ADGRD1: variants seen among roughly 807,000 people sequenced by gnomAD.
ADGRD1 encodes the protein adhesion G protein-coupled receptor D1, also known as G-protein coupled receptor 133.
In ADGRD1, 77 loss-of-function variants were observed where a neutral mutation model predicts 113.4. That is an observed-to-expected ratio of 0.68 (90% CI 0.57 to 0.82). ADGRD1 has a LOEUF of 0.82. Ranked by LOEUF, ADGRD1 falls within the 40% of genes least tolerant of loss-of-function variation. The pLI, the probability that ADGRD1 is intolerant of heterozygous loss-of-function variation, is 0.00. For synonymous variants in ADGRD1, 474 were observed against 475.0 expected (o/e 1.00, Z 0.03); for missense variants, 1,036 against 1,139.1 (o/e 0.91, Z 1.30).
intron 15 of ADGRD1, among the ~76,000 whole-genome samples, chr12:131,095,056 G>A (rs947589214): frequency 2.0e-5 from 3 of 152,044 alleles, no homozygotes; most frequent in Non-Finnish European, 4.4e-5. Context: ...GCCTCTCTGA[G>A]TGGAGAGCTG....
At chr12:131,105,711 G>C (rs1280236414) in intron 16 of ADGRD1, 43 bp from the exon 17 acceptor site, 11 of 1,494,906 alleles carry the variant, frequency 7.4e-6, no homozygotes, top group Non-Finnish European at 9.2e-6. Flanking sequence ...GGGGGACTGG[G>C]TCGGCGCAGG....
intron 15 of ADGRD1, chr12:131,092,167 G>A (rs1886952574): frequency 6.6e-6 from 1 of 152,500 alleles, no homozygotes; most frequent in Non-Finnish European, 1.5e-5. Context: ...GAGGGAGTGA[G>A]GACCTGAGGT....
intron 4 of ADGRD1, among the ~76,000 whole-genome samples, chr12:130,972,371 C>A (rs1159935799): frequency 6.6e-6 from 1 of 152,190 alleles, no homozygotes; most frequent in Non-Finnish European, 1.5e-5. Flanking sequence ...TTTTGGACAT[C>A]AGATGGCCTT....
intron 13 of ADGRD1, among the ~76,000 whole-genome samples, chr12:131,064,926 C>G (rs976307999): frequency 6.6e-6 from 1 of 152,218 alleles, no homozygotes; most frequent in Admixed American, 6.5e-5. Flanking sequence ...TTAATTCCAT[C>G]AAACTGCCCA....
At chr12:131,038,896 T>C (rs537222895) in intron 13 of ADGRD1, among the ~76,000 whole-genome samples, 139 of 152,360 alleles carry the variant, frequency 9.1e-4, no homozygotes, top group African/African-American at 3.2e-3. Flanking sequence ...GGGAAAAGAC[T>C]AGGTCGCAGG....
intron 8 of ADGRD1, among the ~76,000 whole-genome samples, chr12:130,996,973 C>T (rs577123743): frequency 7.2e-6 from 1 of 138,782 alleles, no homozygotes; most frequent in Non-Finnish European, 1.6e-5. Context: ...GACCCCCCAA[C>T]CTCCCTCCCG....
chr12:131,020,386 A>C (rs1879190689), intron 13 of ADGRD1, among the ~76,000 whole-genome samples: 1 of 152,222 alleles, frequency 6.6e-6, no homozygotes, highest in Non-Finnish European at 1.5e-5. Context: ...GTTCCAGGCC[A>C]GGACCCCAAG....
chr12:130,979,724 T>C (rs1872713298), intron 4 of ADGRD1, among the ~76,000 whole-genome samples: 1 of 152,094 alleles, frequency 6.6e-6, no homozygotes, highest in South Asian at 2.1e-4. Context: ...CTGAACCCTC[T>C]TACCCATGTG....
intron 20 of ADGRD1, among the ~76,000 whole-genome samples, chr12:131,125,437 C>A (rs1950717519): frequency 6.6e-6 from 1 of 152,084 alleles, no homozygotes; most frequent in Non-Finnish European, 1.5e-5. Flanking sequence ...GATTTAAAAT[C>A]TTTGTCTCCC....
intron 20 of ADGRD1, chr12:131,121,956 T>G (rs1950606426): frequency 6.6e-6 from 1 of 152,512 alleles, no homozygotes; most frequent in South Asian, 2.1e-4. Flanking sequence ...TCCCATGATT[T>G]CTTTGTGCAG....
chr12:130,997,007 G>T (rs1453291010), intron 8 of ADGRD1, among the ~76,000 whole-genome samples: 1 of 137,264 alleles, frequency 7.3e-6, no homozygotes. Flanking sequence ...GCCAGGCGGG[G>T]GGCTGACCCC....
At chr12:131,128,345 C>T (rs1950799972) in intron 20 of ADGRD1, among the ~76,000 whole-genome samples, 1 of 152,008 alleles carries the variant, frequency 6.6e-6, no homozygotes, top group South Asian at 2.1e-4. Context: ...GCTCGAGATC[C>T]TCTCCAGCAT....
rs188310875 is a variant in ADGRD1 at position 131,089,044 on chromosome 12, G to C, written c.1671+4381G>C. On this transcript the variant is annotated intron_variant, in intron 15 of 24. Coordinates refer to ENST00000261654, the MANE Select transcript of ADGRD1 (RefSeq NM_198827.5). The stretch of plus-strand genomic sequence containing the variant: ...ACCCTCTGAGCAGCCCCAGGCACAG[G>C]CGCCCAGTCTGCAAACATCAGCTCG... 3.9e-5 allele frequency among the ~76,000 whole-genome samples: 6 copies of C among 152,300 alleles called. No homozygotes were observed. The East Asian group carries it at 9.7e-4, about 25-fold the overall frequency.
chr12:131,001,167 AAGG>A (rs369206025), intron 9 of ADGRD1, among the ~76,000 whole-genome samples: 15 of 152,364 alleles, frequency 9.8e-5, no homozygotes, highest in African/African-American at 3.1e-4. Flanking sequence ...TAGTAAGAAA[AAGG>A]AGAATACATG....
chr12:131,067,222 G>A lies in ADGRD1; in HGVS notation c.1474-9579G>A, dbSNP rs1254207348. On this transcript the variant is annotated intron_variant, in intron 13 of 24. Coordinates refer to ENST00000261654, the MANE Select transcript of ADGRD1 (RefSeq NM_198827.5). ...AGGGAGGTTTGGACATGCTCCGTTT[G>A]GGAGGCCTGTGGACGCCCAGGTGGG... Among the ~76,000 whole-genome samples, 6 of 152,326 alleles carry A rather than the reference G, an allele frequency of 3.9e-5. No homozygotes were observed. In the East Asian group the frequency reaches 9.7e-4, roughly 25 times the overall value.
intron 4 of ADGRD1, chr12:130,981,230 T>C (rs1369608031): frequency 6.6e-6 from 1 of 152,070 alleles, no homozygotes; most frequent in Non-Finnish European, 1.5e-5. Flanking sequence ...AAGAAAACCT[T>C]AAGATCCAGC....
rs764148530 is a variant in ADGRD1, at chr12:131,000,369, T to C, written c.967-14T>C. The C allele has an allele frequency of 3.1e-6, 5 of 1,611,060 alleles. No homozygotes were observed. In the South Asian group the frequency reaches 5.5e-5, roughly 18 times the overall value. On this transcript the variant is annotated splice_polypyrimidine_tract_variant and intron_variant, in intron 8 of 24. Coordinates refer to ENST00000261654, the MANE Select transcript of ADGRD1 (RefSeq NM_198827.5). ...AGGACAGGTGCTGAGCAGTGTCATT[T>C]TGTCCACCTTTAGACCTTCTTAAAA...
intron 21 of ADGRD1, among the ~76,000 whole-genome samples, chr12:131,135,699 C>T (rs1299487302): frequency 6.9e-6 from 1 of 144,152 alleles, no homozygotes; most frequent in Admixed American, 6.8e-5. Context: ...CGAATCTCTC[C>T]CCTCCGTCCT....
At chr12:131,065,736 A>T (rs1884673060) in intron 13 of ADGRD1, among the ~76,000 whole-genome samples, 1 of 152,132 alleles carries the variant, frequency 6.6e-6, no homozygotes, top group African/African-American at 2.4e-5. Flanking sequence ...AGTTGTGCGC[A>T]TGAAGGAGAG....
Sources: gnomAD v4.1 joint callset for allele counts (sites outside exome capture counted in the v4.1 genomes callset) on GRCh38, gnomAD v4.1.1 for gene constraint, MANE v1.5 for transcripts, NCBI Gene and HGNC (gene_info 2026-07-23, HGNC 2026-07-21) for gene names.